MSRA: variants seen among roughly 807,000 people sequenced by gnomAD.
MSRA encodes methionine sulfoxide reductase A.
Under a neutral mutation model 31.3 loss-of-function variants are expected in MSRA, and 54 were observed. That is an observed-to-expected ratio of 1.73 (90% CI 1.39 to 2.17). The LOEUF (loss-of-function observed/expected upper bound fraction) is 2.17, where lower values mean the gene tolerates loss of function less well. Among genes scored for constraint, MSRA ranks in the 30% most tolerant of loss-of-function variants. The pLI is 0.00. For missense variants in MSRA, 507 were observed against 300.9 expected, an observed-to-expected ratio of 1.69 and a Z score of -5.07; for synonymous variants, 169 against 116.5, an observed-to-expected ratio of 1.45 and a Z score of -2.90.
chr8:10,290,611 G>T (rs368592997), intron 3 of MSRA, among the ~76,000 whole-genome samples: 2 of 152,140 alleles, frequency 1.3e-5, no homozygotes, highest in African/African-American at 4.8e-5. Context: ...TCCATTGGTG[G>T]GGTGGAGGGG....
At chr8:10,346,279 C>T (rs1389444592) in intron 5 of MSRA, among the ~76,000 whole-genome samples, 25 of 152,202 alleles carry the variant, frequency 1.6e-4, no homozygotes, top group Admixed American at 1.6e-3. Flanking sequence ...GATTCAGAAT[C>T]AGCTCTCACC....
intron 3 of MSRA, among the ~76,000 whole-genome samples, chr8:10,292,236 G>T (rs1015765977): frequency 6.6e-6 from 1 of 152,182 alleles, no homozygotes; most frequent in Admixed American, 6.5e-5. Flanking sequence ...TGGAGCTGGG[G>T]TCCATACAGA....
chr8:10,059,257 G>T (rs924969577), intron 1 of MSRA, among the ~76,000 whole-genome samples: 2 of 152,302 alleles, frequency 1.3e-5, no homozygotes, highest in Admixed American at 6.5e-5. Flanking sequence ...GATGATAATA[G>T]CTCACACTTG....
chr8:10,198,587 G>A (rs1367682585), intron 1 of MSRA, among the ~76,000 whole-genome samples: 1 of 152,168 alleles, frequency 6.6e-6, no homozygotes, highest in African/African-American at 2.4e-5. Flanking sequence ...TATAATTGCA[G>A]TGACTAGGTC....
At chr8:10,297,799 G>C (rs887960537) in intron 3 of MSRA, among the ~76,000 whole-genome samples, 2 of 152,172 alleles carry the variant, frequency 1.3e-5, no homozygotes, top group Admixed American at 6.5e-5. Context: ...GTCAGTGGCA[G>C]ATTATGTCTG....
chr8:10,176,525 G>C (rs939789031), intron 1 of MSRA, among the ~76,000 whole-genome samples: 2 of 152,220 alleles, frequency 1.3e-5, no homozygotes, highest in African/African-American at 4.8e-5. Flanking sequence ...CTTCATGGTA[G>C]GGTCCAGGGC....
chr8:10,262,327 A>G (rs1164800015), intron 3 of MSRA, among the ~76,000 whole-genome samples: 1 of 152,144 alleles, frequency 6.6e-6, no homozygotes, highest in Non-Finnish European at 1.5e-5. Context: ...TGACTGTACC[A>G]TTTTGCTACC....
intron 1 of MSRA, among the ~76,000 whole-genome samples, chr8:10,149,407 A>T (rs1395558800): frequency 6.6e-6 from 1 of 152,178 alleles, no homozygotes; most frequent in Non-Finnish European, 1.5e-5. Context: ...TACAGGCGTG[A>T]GCCACCGCGC....
chr8:10,310,502 C>T (rs1416875530), intron 4 of MSRA, among the ~76,000 whole-genome samples: 1 of 152,082 alleles, frequency 6.6e-6, no homozygotes, highest in Non-Finnish European at 1.5e-5. Context: ...AACATTTTTC[C>T]TTTGCCTTTC....
At chr8:10,147,355 C>T (rs902261072) in intron 1 of MSRA, among the ~76,000 whole-genome samples, 14 of 152,130 alleles carry the variant, frequency 9.2e-5, no homozygotes, top group South Asian at 2.1e-4. Context: ...GGTCAGCTTC[C>T]GCAGCAGCTC....
intron 5 of MSRA, among the ~76,000 whole-genome samples, chr8:10,367,155 C>T (rs1245566357): frequency 6.6e-6 from 1 of 152,174 alleles, no homozygotes; most frequent in Non-Finnish European, 1.5e-5. Flanking sequence ...ATCCCTTTAT[C>T]TAGTGGATCC....
intron 3 of MSRA, among the ~76,000 whole-genome samples, chr8:10,282,623 C>T (rs1044045098): frequency 6.6e-6 from 1 of 152,152 alleles, no homozygotes; most frequent in African/African-American, 2.4e-5. Flanking sequence ...CTCGTCTGTT[C>T]TCTGATCAGT....
chr8:10,166,932 G>T (rs1322071364), intron 1 of MSRA, among the ~76,000 whole-genome samples: 1 of 152,146 alleles, frequency 6.6e-6, no homozygotes, highest in Admixed American at 6.5e-5. Context: ...GATGGGTCTA[G>T]TGTATTCCTA....
chr8:10,319,809 A>T (rs1476495570), intron 4 of MSRA, 74 bp from the exon 5 acceptor site: 1 of 800,248 alleles, frequency 1.2e-6, no homozygotes. Flanking sequence ...AAAATGTCTC[A>T]GCATTGTGCC....
At chr8:10,176,590 CTT>C (rs765808566) in intron 1 of MSRA, among the ~76,000 whole-genome samples, 10 of 152,348 alleles carry the variant, frequency 6.6e-5, no homozygotes, top group Non-Finnish European at 1.2e-4. Flanking sequence ...CAGCAGAAGA[CTT>C]TAACTTTTCC....
At chr8:10,117,164 C>G (rs1183159176) in intron 1 of MSRA, among the ~76,000 whole-genome samples, 2 of 152,154 alleles carry the variant, frequency 1.3e-5, no homozygotes, top group Non-Finnish European at 2.9e-5. Context: ...ACGCCTCTGT[C>G]AGATTCCTAG....
chr8:10,368,388 G>C (rs1481530413), intron 5 of MSRA, among the ~76,000 whole-genome samples: 1 of 152,226 alleles, frequency 6.6e-6, no homozygotes, highest in African/African-American at 2.4e-5. Flanking sequence ...ACTATCATTT[G>C]ATTTGCTAAA....
At chr8:10,161,111 T>A (rs557339709) in intron 1 of MSRA, among the ~76,000 whole-genome samples, 2 of 152,352 alleles carry the variant, frequency 1.3e-5, no homozygotes, top group South Asian at 4.1e-4. Flanking sequence ...AGATATCCAC[T>A]TTCTAAATAC....
At chr8:10,246,550 G>T (rs979674946) in intron 3 of MSRA, among the ~76,000 whole-genome samples, 1 of 152,164 alleles carries the variant, frequency 6.6e-6, no homozygotes, top group Non-Finnish European at 1.5e-5. Context: ...TCTTAAATAA[G>T]TGTGGTTTGT....
Sources: allele counts gnomAD v4.1 joint callset (sites outside exome capture counted in the v4.1 genomes callset), GRCh38; gene constraint gnomAD v4.1.1; transcripts MANE v1.5; gene names NCBI Gene and HGNC (gene_info 2026-07-23, HGNC 2026-07-21).